CHRM3: variants seen among roughly 807,000 people sequenced by gnomAD.
CHRM3 encodes cholinergic receptor muscarinic 3.
CHRM3 carries 11 observed loss-of-function variants against 41.8 expected under a neutral mutation model. That is an observed-to-expected ratio of 0.26 (90% CI 0.17 to 0.44). The LOEUF (loss-of-function observed/expected upper bound fraction) is 0.44, where lower values mean the gene tolerates loss of function less well. Among genes scored for constraint, CHRM3 ranks in the 20% least tolerant of loss-of-function variants. The pLI, the probability that CHRM3 is intolerant of heterozygous loss-of-function variation, is 1.00. For missense variants in CHRM3, 571 were observed against 745.4 expected, an observed-to-expected ratio of 0.77 and a Z score of 2.72; for synonymous variants, 297 against 301.4, an observed-to-expected ratio of 0.99 and a Z score of 0.15.
At chr1:239,892,667 A>G (rs1411715579) in intron 6 of CHRM3, among the ~76,000 whole-genome samples, 1 of 152,174 alleles carries the variant, frequency 6.6e-6, no homozygotes, top group Non-Finnish European at 1.5e-5. Flanking sequence ...ATGAATCTAG[A>G]AACTAGCTAT....
At chr1:239,862,088 C>T (rs1675689388) in intron 6 of CHRM3, among the ~76,000 whole-genome samples, 1 of 152,150 alleles carries the variant, frequency 6.6e-6, no homozygotes, top group Non-Finnish European at 1.5e-5. Context: ...AAAGGGTTTG[C>T]TTGTTTTAAC....
Position 239,907,866 on chromosome 1 carries a change from T to C in CHRM3, c.415T>C (p.Leu139=), listed in dbSNP as rs754525978. 6 of 1,614,254 alleles carry C rather than the reference T, an allele frequency of 3.7e-6. No homozygotes were observed. In the Admixed American group the frequency reaches 8.3e-5, roughly 22 times the overall value. ...IIMNRWALGN[L]ACDLWLAIDY... is the part of the protein sequence containing the mutation. ...CATGAATCGATGGGCCTTAGGGAAC[T>C]TGGCCTGTGACCTCTGGCTTGCCAT... is the stretch of plus-strand genomic sequence containing the variant. Residue 139 remains leucine (L), a synonymous_variant, in exon 7 of 7, where the codon TTG becomes CTG. Transcript: ENST00000676153. The surrounding 1 kb of genome is among the most constrained non-coding windows in gnomAD (Gnocchi z 5.4).
chr1:239,847,596 C>T (rs1292183431), intron 6 of CHRM3, among the ~76,000 whole-genome samples: 2 of 152,098 alleles, frequency 1.3e-5, no homozygotes, highest in African/African-American at 4.8e-5. Flanking sequence ...TGCAGAGGCT[C>T]ACACCTGTAC....
chr1:239,444,773 C>T (rs1004836976), intron 1 of CHRM3, among the ~76,000 whole-genome samples: 1 of 151,924 alleles, frequency 6.6e-6, no homozygotes. Flanking sequence ...ATTAAAAAGA[C>T]CAGAGAATAT....
intron 3 of CHRM3, among the ~76,000 whole-genome samples, chr1:239,605,387 G>T (rs1666125004): frequency 6.6e-6 from 1 of 152,080 alleles, no homozygotes; most frequent in Non-Finnish European, 1.5e-5. Context: ...AGGAGCAACA[G>T]GCTATACCAT....
At chr1:239,683,738 A>G (rs1316366465) in intron 5 of CHRM3, among the ~76,000 whole-genome samples, 1 of 152,204 alleles carries the variant, frequency 6.6e-6, no homozygotes, top group Non-Finnish European at 1.5e-5. Context: ...GAAGTCATCC[A>G]GTCAGGTAAT....
At chr1:239,522,405 C>T (rs1443861494) in intron 2 of CHRM3, among the ~76,000 whole-genome samples, 2 of 152,192 alleles carry the variant, frequency 1.3e-5, no homozygotes, top group African/African-American at 4.8e-5. Flanking sequence ...CTTAGTAGAT[C>T]GTCCGGGTCT....
chr1:239,454,974 CT>C (rs540080957), intron 1 of CHRM3, among the ~76,000 whole-genome samples: 9 of 151,998 alleles, frequency 5.9e-5, no homozygotes, highest in Non-Finnish European at 1.3e-4. Context: ...GTACATAATA[CT>C]TGGTAATGGT....
intron 1 of CHRM3, among the ~76,000 whole-genome samples, chr1:239,489,194 A>G (rs1256516766): frequency 6.6e-6 from 1 of 152,176 alleles, no homozygotes; most frequent in Admixed American, 6.6e-5. Context: ...CAGGCAGATC[A>G]TGAGGTTAGG....
chr1:239,701,002 G>A (rs754674724), intron 5 of CHRM3, among the ~76,000 whole-genome samples: 1 of 152,100 alleles, frequency 6.6e-6, no homozygotes, highest in Non-Finnish European at 1.5e-5. Context: ...TTCCACTAAT[G>A]ATTAAAACCT....
chr1:239,726,775 G>A (rs1663478382), intron 5 of CHRM3, among the ~76,000 whole-genome samples: 1 of 151,916 alleles, frequency 6.6e-6, no homozygotes, highest in South Asian at 2.1e-4. Flanking sequence ...CCAGCTTCAA[G>A]AAATGGTGTG....
Position 239,907,282 on chromosome 1 carries a change from T to C in CHRM3, c.-19-151T>C, listed in dbSNP as rs1232196997. Among the ~76,000 whole-genome samples, 1 of 152,196 alleles carries C rather than the reference T, an allele frequency of 6.6e-6. No individual in the cohort carries two copies. Among genetic ancestry groups the C allele is most frequent in the Non-Finnish European group, 1.5e-5 (1 of 68,032 alleles). ...GTCTGTCTGCCCTAGACTCCACTTA[T>C]TTAAAATAAGAGAATGAACTTGATG... On this transcript the variant is annotated intron_variant, in intron 6 of 6. Coordinates refer to ENST00000676153, the MANE Select transcript of CHRM3 (RefSeq NM_001375978.1). The surrounding 1 kb of genome is among the most constrained non-coding windows in gnomAD (Gnocchi z 5.4).
At chr1:239,574,691 C>G (rs1304211950) in intron 3 of CHRM3, among the ~76,000 whole-genome samples, 1 of 152,086 alleles carries the variant, frequency 6.6e-6, no homozygotes, top group East Asian at 1.9e-4. Context: ...ATTCCCTCCA[C>G]CATATATTAT....
chr1:239,645,613 C>G (rs7523090), intron 4 of CHRM3, among the ~76,000 whole-genome samples: 1,958 of 152,152 alleles, frequency 0.013, 57 homozygotes, highest in African/African-American at 0.046. Flanking sequence ...TGATGTCATA[C>G]ACAAAACAAA....
chr1:239,857,096 T>C (rs1454597500), intron 6 of CHRM3, among the ~76,000 whole-genome samples: 1 of 152,182 alleles, frequency 6.6e-6, no homozygotes, highest in Non-Finnish European at 1.5e-5. Context: ...TCTTTAAAAC[T>C]TGAATGATTG....
chr1:239,885,071 G>C (rs188554231), intron 6 of CHRM3, among the ~76,000 whole-genome samples: 20 of 152,198 alleles, frequency 1.3e-4, no homozygotes, highest in African/African-American at 4.8e-4. Context: ...AGGAATGCTT[G>C]GAAAGACTTT....
chr1:239,697,309 G>T (rs889374004), intron 5 of CHRM3, among the ~76,000 whole-genome samples: 7 of 152,220 alleles, frequency 4.6e-5, no homozygotes, highest in Admixed American at 3.3e-4. Context: ...CCCCGCACAA[G>T]CTCTCTCTTT....
chr1:239,622,387 T>A (rs1213657227), intron 3 of CHRM3, among the ~76,000 whole-genome samples: 1 of 152,158 alleles, frequency 6.6e-6, no homozygotes, highest in African/African-American at 2.4e-5. Flanking sequence ...TTGTGATGGA[T>A]CTGGGCAATG....
At chr1:239,727,043 A>ATGTG in intron 5 of CHRM3, among the ~76,000 whole-genome samples, 1 of 151,906 alleles carries the variant, frequency 6.6e-6, no homozygotes, top group Non-Finnish European at 1.5e-5. Context: ...GCTCTAAGCC[A>ATGTG]CAATTTTCTC....
Sources: gnomAD v4.1 joint callset for allele counts (sites outside exome capture counted in the v4.1 genomes callset) on GRCh38, gnomAD v4.1.1 for gene constraint, Gnocchi (gnomAD v3.1) non-coding constraint, MANE v1.5 for transcripts, NCBI Gene and HGNC (gene_info 2026-07-23, HGNC 2026-07-21) for gene names.